The following EPG5 variants were observed in gnomAD, a reference collection of about 807,000 sequenced individuals.
EPG5 encodes the protein ectopic P-granules 5 autophagy tethering factor, also known as ectopic P granules protein 5 homolog.
In EPG5, 159 loss-of-function variants were observed where a neutral mutation model predicts 302.7. The observed-to-expected ratio is 0.53, with a 90% CI of 0.46 to 0.60. The LOEUF is 0.60. EPG5 is among the 20% of genes least tolerant of loss of function. The pLI is 0.00. For synonymous variants in EPG5, 1,158 were observed against 1,136.8 expected (o/e 1.02, Z -0.37); for missense variants, 2,896 against 3,092.4 (o/e 0.94, Z 1.51).
intron 24 of EPG5, among the ~76,000 whole-genome samples, chr18:45,906,420 C>A (rs986518626): frequency 2.0e-5 from 3 of 152,182 alleles, no homozygotes; most frequent in African/African-American, 7.2e-5. Context: ...CCCTACCCTG[C>A]ACCTTTCTGA....
the EPG5 span, chr18:45,825,872 A>T: frequency 6.8e-7 from 1 of 1,476,828 alleles, no homozygotes; most frequent in Non-Finnish European, 9.4e-7. Context: ...GGCAGGAAGC[A>T]GGTGTGCAGA....
intron 14 of EPG5, 144 bp downstream of exon 14, chr18:45,925,594 G>T: frequency 1.8e-6 from 1 of 543,146 alleles, no homozygotes; most frequent in Non-Finnish European, 3.0e-6. Flanking sequence ...GAATTAAACA[G>T]AAAATCCTAA....
intron 39 of EPG5, among the ~76,000 whole-genome samples, chr18:45,864,332 C>A (rs514613): frequency 6.6e-6 from 1 of 152,064 alleles, no homozygotes; most frequent in Non-Finnish European, 1.5e-5. Flanking sequence ...ATTTTCTCTT[C>A]GGATGGGTTT....
At chr18:45,857,245 G>A (rs966010945) in intron 42 of EPG5, among the ~76,000 whole-genome samples, 1 of 152,062 alleles carries the variant, frequency 6.6e-6, no homozygotes, top group African/African-American at 2.4e-5. Context: ...GAGTAGCTGG[G>A]ACTACAGGCA....
intron 27 of EPG5, among the ~76,000 whole-genome samples, chr18:45,891,176 G>C (rs1470710744): frequency 6.6e-6 from 1 of 152,086 alleles, no homozygotes; most frequent in East Asian, 1.9e-4. Flanking sequence ...ATGAGGCCCA[G>C]GGTTATTATC....
At chr18:45,950,077 CTTCT>C (rs1279617979) in intron 4 of EPG5, among the ~76,000 whole-genome samples, 3 of 152,184 alleles carry the variant, frequency 2.0e-5, no homozygotes, top group Non-Finnish European at 4.4e-5. Flanking sequence ...TTTTACCTTT[CTTCT>C]TTCTCTTAAA....
intron 27 of EPG5, among the ~76,000 whole-genome samples, chr18:45,898,164 A>C (rs995487596): frequency 6.6e-5 from 10 of 152,324 alleles, no homozygotes; most frequent in Admixed American, 6.5e-4. Flanking sequence ...GTTTGAGAGC[A>C]GCCTGGGCAA....
intron 13 of EPG5, among the ~76,000 whole-genome samples, chr18:45,926,816 GA>G (rs67892830): frequency 2.1e-5 from 3 of 142,566 alleles, no homozygotes; most frequent in Admixed American, 7.0e-5. Flanking sequence ...TGTCTTGGGA[GA>G]AAAAAAAAAA....
At chr18:45,913,856 G>A (rs1276843004) in intron 20 of EPG5, 28 bp from the exon 21 acceptor site, 2 of 1,609,300 alleles carry the variant, frequency 1.2e-6, no homozygotes, top group Admixed American at 3.4e-5. Flanking sequence ...AAAGGGGAGG[G>A]GAAGGAGGAG....
chr18:45,928,883 C>T lies in EPG5; in HGVS notation c.2539G>A (p.Asp847Asn). ...AGTGCTCTTACCATTCCAACCTGGT[C>T]AATGGTCTCTTGAACTCTATCCAGA... is the stretch of plus-strand genomic sequence containing the variant. ...VLLDRVQETI[D>N]QVGMVSLYLF... Residue 847 changes from aspartate to asparagine, a missense_variant, in exon 13 of 44, where the codon GAC (aspartate) becomes AAC (asparagine). Physicochemically the swap from Asp to Asn is conservative, Grantham distance 23 (BLOSUM62 1). Coordinates refer to ENST00000282041, the MANE Select transcript of EPG5 (RefSeq NM_020964.3). 6.2e-7 allele frequency: 1 copy of T among 1,613,378 alleles called. No individual in the cohort carries two copies. Among genetic ancestry groups the T allele is most frequent in the Non-Finnish European group, 8.5e-7 (1 of 1,179,834 alleles).
At position 45,860,294 on chromosome 18, in the gene EPG5, G is replaced by T. The variant is rs771798622; in HGVS notation, c.6819C>A (p.Val2273=). ...TAGTCGCGTTGTTCATCATCATCAG[G>T]ACTTCCATAAAGAGGCTGCTGAGGG... ...HMALSSLFME[V]LMMMNNATIP... Residue 2273 remains valine, a synonymous_variant, in exon 40 of 44, where the codon GTC becomes GTA. Transcript: ENST00000282041. The T allele has an allele frequency of 1.2e-6, 2 of 1,614,220 alleles. No homozygotes were observed. The highest frequency in any genetic ancestry group is 1.7e-6 in the Non-Finnish European group (2 of 1,180,042).
rs772325682 is a variant in EPG5, at chr18:45,860,228, C to T, written c.6885G>A (p.Trp2295Ter). Reference protein sequence around the residue: ...AEFLRGSIRTWIGQKMHGLVV... With the variant: ...AEFLRGSIRT ...CCAGCCCATGCATTTTTTGGCCAAT[C>T]CAGGTCCGGATACTGCCCCGAAGGA... The change falls in exon 40 of 44, where the codon TGG becomes TGA. Residue 2295 changes from tryptophan (W) to a stop codon, truncating the protein, a stop_gained. Coordinates refer to ENST00000282041, the MANE Select transcript of EPG5 (RefSeq NM_020964.3). LOFTEE classifies it high-confidence loss of function. 1.2e-6 allele frequency: 2 copies of T among 1,614,238 alleles called. No individual in the cohort carries two copies. The highest frequency in any genetic ancestry group is 1.7e-6 in the Non-Finnish European group (2 of 1,180,046).
intron 34 of EPG5, 52 bp from the exon 35 acceptor site, chr18:45,876,394 G>T: frequency 6.8e-7 from 1 of 1,460,374 alleles, no homozygotes; most frequent in Non-Finnish European, 9.6e-7. Flanking sequence ...TTAAAATACT[G>T]TTAAGTCCCA....
At chr18:45,825,719 T>A in the EPG5 span, 2 of 1,614,190 alleles carry the variant, frequency 1.2e-6, no homozygotes, top group South Asian at 2.2e-5. Context: ...GGTGTTCAGA[T>A]GCTCACAGCA....
chr18:45,936,499 G>A (rs776262540), intron 10 of EPG5, among the ~76,000 whole-genome samples: 13 of 151,978 alleles, frequency 8.6e-5, no homozygotes, highest in African/African-American at 1.2e-4. Context: ...AGGCTGAGGC[G>A]GGCAAATCAC....
chr18:45,923,377 T>A lies in EPG5; in HGVS notation c.2729A>T (p.His910Leu), dbSNP rs781269702. The change falls in exon 15 of 44, where the codon CAT becomes CTT. Residue 910 changes from histidine (H) to leucine (L), a missense_variant. By Grantham distance (99) the His-to-Leu change is moderately conservative. Coordinates refer to ENST00000282041, the MANE Select transcript of EPG5 (RefSeq NM_020964.3). ...TTCAGCATGGACTGCTTGATCCAGA[T>A]GAAGGGTAGCCTTTTAAAGAGAAAA... ...NWGFAKQATLHLDQAVHAEVA... is the reference protein window; with the variant it reads ...NWGFAKQATLLLDQAVHAEVA... 1.2e-6 allele frequency: 2 copies of A among 1,612,392 alleles called. No homozygotes were observed. The highest frequency in any genetic ancestry group is 2.2e-5 in the South Asian group (2 of 90,852).
At position 45,876,227 on chromosome 18, in the gene EPG5, T is replaced by A; in HGVS notation, c.6049+9A>T. 1 of 1,595,628 alleles carries A rather than the reference T, an allele frequency of 6.3e-7. No homozygotes were observed. Among genetic ancestry groups the A allele is most frequent in the South Asian group, 1.1e-5 (1 of 90,668 alleles). On this transcript the variant is annotated intron_variant, in intron 35 of 43. Transcript: ENST00000282041. ...AAAACTAAGCAGAGACAGCCTGACA[T>A]CTTCCTACCTTTAAAACTCTCATGC...
chr18:45,908,415 G>A (rs1042446193), intron 23 of EPG5, among the ~76,000 whole-genome samples: 2 of 152,160 alleles, frequency 1.3e-5, no homozygotes, highest in Non-Finnish European at 2.9e-5. Context: ...TCTGAATCTG[G>A]AGCTTTTCTT....
chr18:45,856,643 C>A lies in EPG5; in HGVS notation c.7443-956G>T, dbSNP rs571127500. Among the ~76,000 whole-genome samples, 4 of 152,308 alleles carry A rather than the reference C, an allele frequency of 2.6e-5. No homozygotes were observed. In the East Asian group the frequency reaches 7.7e-4, roughly 29 times the overall value. On this transcript the variant is annotated intron_variant, in intron 42 of 43. Transcript: ENST00000282041. ...AATCTCGCAGTCCTGCTATCTTCCA[C>A]CGCAAACAAAAAAACATGACGTTAA...
Sources: allele counts gnomAD v4.1 joint callset (sites outside exome capture counted in the v4.1 genomes callset), GRCh38; gene constraint gnomAD v4.1.1; transcripts MANE v1.5; gene names NCBI Gene and HGNC (gene_info 2026-07-23, HGNC 2026-07-21).